The following SDHAF4 variants were observed in gnomAD, a reference collection of about 807,000 sequenced individuals.
SDHAF4 encodes the protein succinate dehydrogenase complex assembly factor 4, also known as succinate dehydrogenase assembly factor 4, mitochondrial.
SDHAF4 carries 14 observed loss-of-function variants against 14.3 expected under a neutral mutation model. The observed-to-expected ratio is 0.98, with a 90% CI of 0.65 to 1.53. The LOEUF is 1.53. SDHAF4 is among the 40% of genes most tolerant of loss of function. The probability of loss-of-function intolerance (pLI) is 0.00; values close to 1 mark genes in which losing one functional copy is unlikely to be tolerated. For missense variants in SDHAF4, 141 were observed against 129.3 expected (o/e 1.09, Z -0.44); for synonymous variants, 63 against 47.3 (o/e 1.33, Z -1.36).
downstream of SDHAF4, among the ~76,000 whole-genome samples, chr6:70,593,987 G>C (rs147633403): frequency 5.6e-3 from 858 of 152,248 alleles, 3 homozygotes; most frequent in Non-Finnish European, 8.3e-3. Context: ...GAGACACTGC[G>C]CCTGGCTGAG....
chr6:70,593,403 G>A (rs1299032263), downstream of SDHAF4, among the ~76,000 whole-genome samples: 3 of 152,238 alleles, frequency 2.0e-5, no homozygotes, highest in East Asian at 5.8e-4. Flanking sequence ...GTGGAAATGT[G>A]GGACCAGAGC....
At chr6:70,567,998 T>C (rs1276659026) in intron 1 of SDHAF4, among the ~76,000 whole-genome samples, 1 of 152,210 alleles carries the variant, frequency 6.6e-6, no homozygotes, top group African/African-American at 2.4e-5. Context: ...AAAACATAAT[T>C]TTAATATATG....
chr6:70,587,513 A>G (rs1243080247), intron 2 of SDHAF4, among the ~76,000 whole-genome samples: 1 of 152,138 alleles, frequency 6.6e-6, no homozygotes, highest in African/African-American at 2.4e-5. Flanking sequence ...AACAAAACAA[A>G]GAATTAGCGC....
At chr6:70,592,736 C>A (rs1353213476), downstream of SDHAF4, among the ~76,000 whole-genome samples, 1 of 152,210 alleles carries the variant, frequency 6.6e-6, no homozygotes, top group Non-Finnish European at 1.5e-5. Flanking sequence ...AGACAGAAAT[C>A]ATAATCAAAA....
downstream of SDHAF4, among the ~76,000 whole-genome samples, chr6:70,590,871 C>T (rs1296563437): frequency 2.0e-5 from 3 of 152,088 alleles, no homozygotes; most frequent in East Asian, 5.8e-4. Context: ...AGCTGAACAC[C>T]TGAAGACCCA....
intron 1 of SDHAF4, among the ~76,000 whole-genome samples, chr6:70,571,176 C>T (rs1802174091): frequency 6.6e-6 from 1 of 151,836 alleles, no homozygotes; most frequent in South Asian, 2.1e-4. Context: ...TTTTCTTTGT[C>T]TTACTGAGGT....
Position 70,579,950 on chromosome 6 carries a change from A to G in SDHAF4, c.217+384A>G, listed in dbSNP as rs537852080. Among the ~76,000 whole-genome samples the G allele has an allele frequency of 3.7e-4, 56 of 152,252 alleles. No homozygotes were observed. The South Asian group carries it at 9.9e-3, about 27-fold the overall frequency. On this transcript the variant is annotated intron_variant, in intron 2 of 2. Coordinates refer to ENST00000370474, the MANE Select transcript of SDHAF4 (RefSeq NM_145267.3). Reference sequence around the variant, plus strand: ...TAAATATAACCACTTTATATATGTAATGTACACATATTATATATAAAGGAC... The same window carrying G: ...TAAATATAACCACTTTATATATGTAGTGTACACATATTATATATAAAGGAC...
intron 1 of SDHAF4, among the ~76,000 whole-genome samples, chr6:70,577,163 T>C (rs1802266523): frequency 6.6e-6 from 1 of 152,180 alleles, no homozygotes; most frequent in Non-Finnish European, 1.5e-5. Flanking sequence ...TGTGGTTACA[T>C]TGACCCACCC....
chr6:70,594,022 C>T (rs1260006208), downstream of SDHAF4, among the ~76,000 whole-genome samples: 2 of 152,150 alleles, frequency 1.3e-5, no homozygotes, highest in African/African-American at 4.8e-5. Context: ...GTCTTCCCTG[C>T]TGGGTTTCTG....
intron 2 of SDHAF4, 22 bp from the exon 3 acceptor site, chr6:70,588,593 A>C (rs1251463621): frequency 7.4e-7 from 1 of 1,347,410 alleles, no homozygotes; most frequent in East Asian, 2.3e-5. Flanking sequence ...TAACTGCTTT[A>C]TTTATATCTC....
At chr6:70,572,303 C>T (rs1187286454) in intron 1 of SDHAF4, among the ~76,000 whole-genome samples, 5 of 151,890 alleles carry the variant, frequency 3.3e-5, no homozygotes, top group Admixed American at 2.0e-4. Context: ...CTTTTCAGAG[C>T]ACCAACCTTT....
downstream of SDHAF4, among the ~76,000 whole-genome samples, chr6:70,594,125 TG>T (rs1485483147): frequency 6.6e-6 from 1 of 152,236 alleles, no homozygotes; most frequent in Non-Finnish European, 1.5e-5. Context: ...CGTTGTATCT[TG>T]GAAGTAGATA....
intron 1 of SDHAF4, among the ~76,000 whole-genome samples, 179 bp downstream of exon 1, chr6:70,567,183 C>T (rs1802108905): frequency 6.6e-6 from 1 of 152,236 alleles, no homozygotes; most frequent in Admixed American, 6.5e-5. Context: ...CTGCAGCGCC[C>T]CGGGTCTCGG....
chr6:70,584,394 C>A (rs1211036309), intron 2 of SDHAF4, among the ~76,000 whole-genome samples: 1 of 152,182 alleles, frequency 6.6e-6, no homozygotes, highest in Non-Finnish European at 1.5e-5. Flanking sequence ...AGGTACAAGG[C>A]AGTTCATCCT....
At chr6:70,587,891 C>T (rs941544615) in intron 2 of SDHAF4, among the ~76,000 whole-genome samples, 5 of 152,128 alleles carry the variant, frequency 3.3e-5, no homozygotes, top group Non-Finnish European at 7.4e-5. Context: ...GAAGCCAAAA[C>T]CCTATGATGA....
chr6:70,573,613 C>T (rs939969142), intron 1 of SDHAF4, among the ~76,000 whole-genome samples: 1 of 151,098 alleles, frequency 6.6e-6, no homozygotes, highest in Non-Finnish European at 1.5e-5. Context: ...TCTGAATTTC[C>T]GTGTTTTTCT....
chr6:70,574,330 A>G (rs531964274), intron 1 of SDHAF4, among the ~76,000 whole-genome samples: 9 of 79,472 alleles, frequency 1.1e-4, no homozygotes, highest in African/African-American at 5.0e-4. Flanking sequence ...AAAAAAAAAG[A>G]AAAAAAAAAA....
chr6:70,589,667 T>C (rs1765241656), downstream of SDHAF4: 1 of 152,212 alleles, frequency 6.6e-6, no homozygotes, highest in Non-Finnish European at 1.5e-5. Flanking sequence ...CAGAAAATCT[T>C]TAACTTGGAG....
chr6:70,570,232 A>T (rs940965004), intron 1 of SDHAF4, among the ~76,000 whole-genome samples: 1 of 152,218 alleles, frequency 6.6e-6, no homozygotes, highest in African/African-American at 2.4e-5. Flanking sequence ...AAATTACCTT[A>T]TTAATTTAAA....
Sources: allele counts gnomAD v4.1 joint callset (sites outside exome capture counted in the v4.1 genomes callset), GRCh38; gene constraint gnomAD v4.1.1; transcripts MANE v1.5; gene names NCBI Gene and HGNC (gene_info 2026-07-23, HGNC 2026-07-21).